The following SNF8 variants were observed in gnomAD, a reference collection of about 807,000 sequenced individuals.
The protein encoded by SNF8 is vacuolar-sorting protein SNF8.
Under a neutral mutation model 36.8 loss-of-function variants are expected in SNF8, and 19 were observed. That is an observed-to-expected ratio of 0.52 (90% CI 0.36 to 0.76). The LOEUF (loss-of-function observed/expected upper bound fraction) is 0.76. SNF8 is among the 30% of genes least tolerant of loss of function. The probability of loss-of-function intolerance (pLI) is 0.00; values close to 1 mark genes in which losing one functional copy is unlikely to be tolerated. For missense variants in SNF8, 268 were observed against 322.9 expected (o/e 0.83, Z 1.30); for synonymous variants, 127 against 127.4 (o/e 1.00, Z 0.02).
intron 3 of SNF8, chr17:48,937,440 C>G (rs2143807137): frequency 2.0e-5 from 8 of 406,406 alleles, no homozygotes; most frequent in South Asian, 1.6e-4. Context: ...CCAGCCTGGC[C>G]AACATGGCAA....
At chr17:48,933,940 A>G (rs540420513) in intron 5 of SNF8, among the ~76,000 whole-genome samples, 2 of 152,334 alleles carry the variant, frequency 1.3e-5, no homozygotes, top group Admixed American at 6.5e-5. Context: ...TGAAGAGGCA[A>G]TGGGGGTAGT....
At chr17:48,936,351 C>A in intron 4 of SNF8, 109 bp from the exon 5 acceptor site, 1 of 783,400 alleles carries the variant, frequency 1.3e-6, no homozygotes, top group Non-Finnish European at 2.1e-6. Flanking sequence ...CATTCTAGTT[C>A]CTAATTTTTT....
chr17:48,932,870 T>C (rs79279757), intron 6 of SNF8: 116 of 216,014 alleles, frequency 5.4e-4, no homozygotes, highest in African/African-American at 2.4e-3. Context: ...AAATCTGTTT[T>C]TGAAGAATCC....
At chr17:48,940,828 C>G (rs542636779) in intron 3 of SNF8, 96 bp downstream of exon 3, 4 of 1,421,380 alleles carry the variant, frequency 2.8e-6, no homozygotes, top group East Asian at 4.7e-5. Context: ...GCAGGCCTTT[C>G]TAGTGGATGC....
intron 5 of SNF8, 134 bp from the exon 6 acceptor site, chr17:48,933,480 C>A (rs1217384697): frequency 9.1e-6 from 9 of 989,586 alleles, no homozygotes; most frequent in Non-Finnish European, 1.4e-5. Flanking sequence ...TGGCTCATAC[C>A]CATAATCGCA....
At chr17:48,931,356 C>T (rs2040856094) in intron 7 of SNF8, among the ~76,000 whole-genome samples, 1 of 152,204 alleles carries the variant, frequency 6.6e-6, no homozygotes, top group African/African-American at 2.4e-5. Context: ...CATTAATCTC[C>T]TGACCAGCAA....
At chr17:48,931,080 A>G (rs996373791) in intron 7 of SNF8, among the ~76,000 whole-genome samples, 3 of 152,188 alleles carry the variant, frequency 2.0e-5, no homozygotes, top group Non-Finnish European at 2.9e-5. Context: ...TTTCTGTCCA[A>G]TATCATTAGG....
chr17:48,930,624 A>G lies in SNF8; in HGVS notation c.640-12T>C, dbSNP rs1264183579. The G allele has an allele frequency of 6.2e-7, 1 of 1,611,522 alleles. No individual in the cohort carries two copies. The highest frequency in any genetic ancestry group is 1.7e-5 in the Admixed American group (1 of 59,666). ...TTCAGCAGGTGTTCCTGGAGGGAAA[A>G]GGGAAGAAGAGCAGTTTGAGAACAG... On this transcript the variant is annotated splice_polypyrimidine_tract_variant and intron_variant, in intron 7 of 7. Coordinates refer to ENST00000502492, the MANE Select transcript of SNF8 (RefSeq NM_007241.4).
chr17:48,931,101 T>C (rs1199673377), intron 7 of SNF8, among the ~76,000 whole-genome samples: 1 of 152,198 alleles, frequency 6.6e-6, no homozygotes, highest in African/African-American at 2.4e-5. Flanking sequence ...TAAATAATTA[T>C]GTTATCCCCA....
In SNF8 at chr17:48,933,322, C is replaced by G. The variant is rs775508168; in HGVS notation, c.447G>C (p.Lys149Asn). Residue 149 changes from lysine to asparagine, a missense_variant, in exon 6 of 8, where the codon AAG becomes AAC. Transcript: ENST00000502492. ...VSQDDLIRAI[K>N]KLKALGTGFG... ...AGCCAGTGCCAAGTGCCTTTAGTTT[C>G]TTGATGGCTCTGATCAGGTCATCTC... 50 of 1,614,088 alleles carry G rather than the reference C, an allele frequency of 3.1e-5. No homozygotes were observed. In the Middle Eastern group the frequency reaches 4.9e-4, roughly 16 times the overall value.
In SNF8 at chr17:48,943,975, C is replaced by G. The variant is rs1263753195; in HGVS notation, c.55G>C (p.Ala19Pro). The G allele has an allele frequency of 6.2e-7, 1 of 1,613,652 alleles. No individual in the cohort carries two copies. Among genetic ancestry groups the G allele is most frequent in the African/African-American group, 1.3e-5 (1 of 74,912 alleles). ...GAIAKKKLAEAKYKERGTVLA... is the reference protein window; with the variant it reads ...GAIAKKKLAEPKYKERGTVLA... ...ACCGTCCCTCGCTCCTTATACTTGGCCTGTCAGACAAAGAGACCAGCATAA... is the reference window on the plus strand; with the variant it reads ...ACCGTCCCTCGCTCCTTATACTTGGGCTGTCAGACAAAGAGACCAGCATAA... Residue 19 changes from alanine to proline, a missense_variant and splice_region_variant, in exon 2 of 8, where the codon GCC (alanine) becomes CCC (proline). Coordinates refer to ENST00000502492, the MANE Select transcript of SNF8 (RefSeq NM_007241.4).
At chr17:48,936,101 A>G in intron 5 of SNF8, 69 bp downstream of exon 5, 1 of 1,086,836 alleles carries the variant, frequency 9.2e-7, no homozygotes, top group Non-Finnish European at 1.4e-6. Context: ...AGGAATAGGG[A>G]GAAAAGAGTT....
At chr17:48,933,028 C>CT in intron 6 of SNF8, 177 bp downstream of exon 6, 2 of 619,894 alleles carry the variant, frequency 3.2e-6, no homozygotes, top group Non-Finnish European at 5.4e-6. Context: ...TGGCCCAGTG[C>CT]TTTGCACTGT....
At chr17:48,940,782 T>TC (rs1313880023) in intron 3 of SNF8, 142 bp downstream of exon 3, 1 of 990,312 alleles carries the variant, frequency 1.0e-6, no homozygotes, top group Non-Finnish European at 1.5e-6. Flanking sequence ...AGAGCAAAAC[T>TC]CCGTCTCAAA....
chr17:48,930,388 C>G lies in SNF8; in HGVS notation c.*87G>C, dbSNP rs1343495346. 7.5e-7 allele frequency: 1 copy of G among 1,332,662 alleles called. No homozygotes were observed. Among genetic ancestry groups the G allele is most frequent in the Non-Finnish European group, 9.7e-7 (1 of 1,025,736 alleles). The allele number at this position is 1,332,662 out of a possible 1,614,324, so 82.6% of individuals were successfully genotyped here. A position where few individuals can be genotyped will look rare whatever the true frequency, so the allele number is the denominator to read the frequency against. ...GAAAGAAAAACTTGGAACTTTTTTT[C>G]TATTTTTTGTATAAACAAAATTGCC... On this transcript the variant is annotated 3_prime_UTR_variant, in exon 8 of 8. Coordinates refer to ENST00000502492, the MANE Select transcript of SNF8 (RefSeq NM_007241.4).
In SNF8 at chr17:48,936,258, G is replaced by A. The variant is rs754890685; in HGVS notation, c.350-16C>T. On this transcript the variant is annotated splice_polypyrimidine_tract_variant and intron_variant, in intron 4 of 7. Coordinates refer to ENST00000502492, the MANE Select transcript of SNF8 (RefSeq NM_007241.4). ...GTTATCAGACCTGTTTGGAGACAGG[G>A]AACAGAAATCAGAAAAAGAGATTAC... 2 of 1,604,208 alleles carry A rather than the reference G, an allele frequency of 1.2e-6. No individual in the cohort carries two copies. The highest frequency in any genetic ancestry group is 1.7e-5 in the Admixed American group (1 of 59,938).
At chr17:48,941,677 A>G (rs143576997) in intron 2 of SNF8, among the ~76,000 whole-genome samples, 307 of 144,056 alleles carry the variant, frequency 2.1e-3, no homozygotes, top group African/African-American at 6.7e-3. Flanking sequence ...GACTGTCTCA[A>G]TCAATCAATA....
At chr17:48,943,559 G>A (rs1342055532) in intron 2 of SNF8, among the ~76,000 whole-genome samples, 2 of 152,120 alleles carry the variant, frequency 1.3e-5, no homozygotes, top group African/African-American at 4.8e-5. Context: ...AGTGAGCCGA[G>A]ATCGTGCCAC....
chr17:48,935,125 CT>C (rs1231793709), intron 5 of SNF8, among the ~76,000 whole-genome samples: 1 of 152,028 alleles, frequency 6.6e-6, no homozygotes, highest in African/African-American at 2.4e-5. Flanking sequence ...AATCCCAGCA[CT>C]TTGGGAAGCT....
Sources: allele counts gnomAD v4.1 joint callset (sites outside exome capture counted in the v4.1 genomes callset), GRCh38; gene constraint gnomAD v4.1.1; transcripts MANE v1.5; gene names NCBI Gene and HGNC (gene_info 2026-07-23, HGNC 2026-07-21).